PACRG: variants seen among roughly 807,000 people sequenced by gnomAD.
The protein encoded by PACRG is parkin coregulated, also known as parkin coregulated gene protein.
In PACRG, 29 loss-of-function variants were observed where a neutral mutation model predicts 29.7. That is an observed-to-expected ratio of 0.98 (90% confidence interval 0.73 to 1.33). PACRG has a LOEUF of 1.33. PACRG is among the 40% of genes most tolerant of loss of function. The pLI is 0.00. For missense variants in PACRG, 279 were observed against 316.2 expected (o/e 0.88, Z 0.89); for synonymous variants, 116 against 118.7 (o/e 0.98, Z 0.15).
chr6:162,966,262 G>T (rs1801009814), intron 2 of PACRG, among the ~76,000 whole-genome samples: 1 of 152,184 alleles, frequency 6.6e-6, no homozygotes, highest in South Asian at 2.1e-4. Context: ...GCGCCACCTT[G>T]TATGCCCCAT....
intron 4 of PACRG, among the ~76,000 whole-genome samples, chr6:163,163,747 T>A (rs896817378): frequency 2.0e-5 from 3 of 152,188 alleles, no homozygotes; most frequent in African/African-American, 7.2e-5. Context: ...AATATTGAGA[T>A]TATTAAGGCA....
chr6:162,908,919 T>C (rs1294588301), intron 2 of PACRG, among the ~76,000 whole-genome samples: 1 of 152,200 alleles, frequency 6.6e-6, no homozygotes, highest in Non-Finnish European at 1.5e-5. Context: ...TCCATGTCTC[T>C]GCTCTTCTCA....
At chr6:162,940,063 T>A (rs1170319348) in intron 2 of PACRG, among the ~76,000 whole-genome samples, 3 of 152,208 alleles carry the variant, frequency 2.0e-5, no homozygotes, top group Non-Finnish European at 4.4e-5. Flanking sequence ...ATTTCTATAC[T>A]TTTTCTGGAT....
chr6:163,306,845 G>A (rs1785212751), intron 4 of PACRG, among the ~76,000 whole-genome samples: 1 of 152,104 alleles, frequency 6.6e-6, no homozygotes, highest in Non-Finnish European at 1.5e-5. Context: ...AAGTTACATT[G>A]TGATATTATA....
chr6:163,173,095 G>A (rs2128348374), intron 4 of PACRG, among the ~76,000 whole-genome samples: 1 of 152,304 alleles, frequency 6.6e-6, no homozygotes, highest in South Asian at 2.1e-4. Flanking sequence ...GTAAAAATAT[G>A]TGCTTGTGTG....
At chr6:163,283,543 G>A (rs1392265615) in intron 4 of PACRG, among the ~76,000 whole-genome samples, 1 of 152,164 alleles carries the variant, frequency 6.6e-6, no homozygotes, top group Non-Finnish European at 1.5e-5. Context: ...GCTCACGCCT[G>A]TAATCCCAGC....
At chr6:162,927,724 A>G (rs892563947) in intron 2 of PACRG, among the ~76,000 whole-genome samples, 5 of 152,134 alleles carry the variant, frequency 3.3e-5, no homozygotes, top group African/African-American at 1.2e-4. Context: ...TACGTGCAGC[A>G]AACCACCATG....
At chr6:163,211,387 T>C (rs1313960583) in intron 4 of PACRG, among the ~76,000 whole-genome samples, 1 of 152,206 alleles carries the variant, frequency 6.6e-6, no homozygotes, top group African/African-American at 2.4e-5. Flanking sequence ...TGAGGTCAAT[T>C]TAAATAATTG....
intron 1 of PACRG, among the ~76,000 whole-genome samples, chr6:162,750,439 G>A (rs1167640784): frequency 6.6e-6 from 1 of 152,092 alleles, no homozygotes; most frequent in Non-Finnish European, 1.5e-5. Context: ...TATTCCTAAG[G>A]CTTGAAAAAT....
At chr6:162,727,527 C>T (rs931760147), upstream of PACRG, 4 of 995,082 alleles carry the variant, frequency 4.0e-6, no homozygotes, top group Non-Finnish European at 5.9e-6. Context: ...CGGCGCGGGC[C>T]GGGGACGGCA....
chr6:163,298,822 C>T (rs1226308789), intron 4 of PACRG, among the ~76,000 whole-genome samples: 1 of 152,182 alleles, frequency 6.6e-6, no homozygotes, highest in East Asian at 1.9e-4. Context: ...AGGTCTTTGC[C>T]TTTGCTGTTC....
At chr6:162,997,780 C>A (rs2128193678) in intron 2 of PACRG, among the ~76,000 whole-genome samples, 1 of 152,346 alleles carries the variant, frequency 6.6e-6, no homozygotes, top group African/African-American at 2.4e-5. Context: ...CATTGGACAT[C>A]TTTTGCTATA....
At chr6:163,124,813 A>G (rs1415385053) in intron 4 of PACRG, among the ~76,000 whole-genome samples, 1 of 152,234 alleles carries the variant, frequency 6.6e-6, no homozygotes, top group African/African-American at 2.4e-5. Flanking sequence ...CTCTGTAATT[A>G]ATATGGCTGT....
At chr6:163,281,361 A>AG (rs1784221551) in intron 4 of PACRG, among the ~76,000 whole-genome samples, 1 of 152,200 alleles carries the variant, frequency 6.6e-6, no homozygotes, top group African/African-American at 2.4e-5. Flanking sequence ...ACTTTGCCTC[A>AG]GCACAGTCCT....
At chr6:162,809,975 C>T (rs1054185145) in intron 1 of PACRG, among the ~76,000 whole-genome samples, 1 of 152,154 alleles carries the variant, frequency 6.6e-6, no homozygotes, top group Non-Finnish European at 1.5e-5. Flanking sequence ...GAGTTGTCTC[C>T]TTCCCATTGG....
chr6:163,121,297 C>CTG (rs1816254885), intron 4 of PACRG, among the ~76,000 whole-genome samples: 1 of 152,220 alleles, frequency 6.6e-6, no homozygotes, highest in African/African-American at 2.4e-5. Context: ...TTAAGCAGGA[C>CTG]TGTCAGTGCA....
chr6:163,294,812 A>T (rs528880160), intron 4 of PACRG, among the ~76,000 whole-genome samples: 1 of 152,334 alleles, frequency 6.6e-6, no homozygotes, highest in East Asian at 1.9e-4. Flanking sequence ...GTCCATTATA[A>T]AGAAATGTTT....
intron 2 of PACRG, among the ~76,000 whole-genome samples, chr6:162,914,508 G>GTTTTTTT (rs3028611): frequency 4.6e-4 from 44 of 95,070 alleles, no homozygotes; most frequent in African/African-American, 7.1e-4. Flanking sequence ...GTACTTTTTT[G>GTTTTTTT]TTTTTTTTTT....
chr6:162,912,158 G>T (rs1796344667), intron 2 of PACRG, among the ~76,000 whole-genome samples: 2 of 152,176 alleles, frequency 1.3e-5, no homozygotes, highest in Admixed American at 1.3e-4. Flanking sequence ...AGTATATTTT[G>T]TCTGTTGCTA....
Sources: allele counts gnomAD v4.1 joint callset (sites outside exome capture counted in the v4.1 genomes callset), GRCh38; gene constraint gnomAD v4.1.1; transcripts MANE v1.5; gene names NCBI Gene and HGNC (gene_info 2026-07-23, HGNC 2026-07-21).